PDE7B: variants seen among roughly 807,000 people sequenced by gnomAD.
PDE7B encodes the protein 3',5'-cyclic-AMP phosphodiesterase 7B.
PDE7B carries 29 observed loss-of-function variants against 56.2 expected under a neutral mutation model. The observed-to-expected ratio is 0.52, with a 90% CI of 0.38 to 0.70. PDE7B has a LOEUF of 0.70. Ranked by LOEUF, PDE7B falls within the 30% of genes least tolerant of loss-of-function variation. The pLI is 0.00. For synonymous variants in PDE7B, 197 were observed against 196.9 expected (o/e 1.00, Z 0.00); for missense variants, 490 against 565.0 (o/e 0.87, Z 1.35).
chr6:136,089,542 T>C (rs1777351776), intron 2 of PDE7B, among the ~76,000 whole-genome samples: 1 of 152,180 alleles, frequency 6.6e-6, no homozygotes, highest in Admixed American at 6.5e-5. Context: ...TTTTGAATAT[T>C]ATTTTTGCAT....
At chr6:136,007,142 C>T (rs1020312264) in intron 2 of PDE7B, among the ~76,000 whole-genome samples, 1 of 152,088 alleles carries the variant, frequency 6.6e-6, no homozygotes, top group African/African-American at 2.4e-5. Context: ...TTATCAAAAG[C>T]CTTTTCTGCA....
At chr6:135,959,719 T>C (rs188265365) in intron 2 of PDE7B, among the ~76,000 whole-genome samples, 96 of 152,288 alleles carry the variant, frequency 6.3e-4, no homozygotes, top group African/African-American at 2.2e-3. Context: ...ACTATGATCA[T>C]GTTTTGTATA....
intron 3 of PDE7B, among the ~76,000 whole-genome samples, chr6:136,123,270 C>A (rs894745580): frequency 1.3e-5 from 2 of 152,106 alleles, no homozygotes; most frequent in Admixed American, 6.5e-5. Flanking sequence ...GATGTGGGAG[C>A]ATTTGAGCCC....
intron 2 of PDE7B, among the ~76,000 whole-genome samples, chr6:135,981,145 G>A (rs1430154383): frequency 6.6e-6 from 1 of 151,906 alleles, no homozygotes; most frequent in East Asian, 1.9e-4. Flanking sequence ...GGACATGGAT[G>A]AAAGTGGAAA....
At chr6:136,028,253 G>A (rs1245691682) in intron 2 of PDE7B, among the ~76,000 whole-genome samples, 5 of 152,196 alleles carry the variant, frequency 3.3e-5, no homozygotes, top group Non-Finnish European at 7.3e-5. Context: ...AGTGACGTAA[G>A]TGAAGTTACA....
rs187095777 is a variant in PDE7B at position 135,924,480 on chromosome 6, G to A, written c.22-22984G>A. ...GCCTGAAAAGCAAGGTGACGTGTCC[G>A]AAGTCATACCATCTACTTGGTGTAT... On this transcript the variant is annotated intron_variant, in intron 1 of 12. Transcript: ENST00000308191. Among the ~76,000 whole-genome samples, 60 of 152,242 alleles carry A rather than the reference G, an allele frequency of 3.9e-4. 1 individual carries two copies. Among genetic ancestry groups the A allele is most frequent in the South Asian group, 2.7e-3 (13 of 4,816 alleles).
At chr6:135,977,610 A>G (rs1240542274) in intron 2 of PDE7B, among the ~76,000 whole-genome samples, 2 of 152,156 alleles carry the variant, frequency 1.3e-5, no homozygotes, top group African/African-American at 4.8e-5. Context: ...CCTCACTTTC[A>G]TTGGGCCAAG....
intron 1 of PDE7B, among the ~76,000 whole-genome samples, chr6:135,898,489 T>G (rs1389559018): frequency 6.6e-6 from 1 of 152,158 alleles, no homozygotes; most frequent in Admixed American, 6.6e-5. Flanking sequence ...AAGAATGCAG[T>G]TATATATGTC....
At position 135,998,523 on chromosome 6, in the gene PDE7B, G is replaced by A. The variant is rs1315193326; in HGVS notation, c.82+50999G>A. Among the ~76,000 whole-genome samples the A allele has an allele frequency of 6.6e-5, 10 of 152,280 alleles. No individual in the cohort carries two copies. In the East Asian group the frequency reaches 9.7e-4, roughly 15 times the overall value. On this transcript the variant is annotated intron_variant, in intron 2 of 12. Transcript: ENST00000308191. ...TGTAATCCCAGCACTTTGGGAGGCC[G>A]AGGCGGGCAGATCACGAGGTCAGGA...
chr6:136,111,054 C>G (rs1777738969), intron 3 of PDE7B: 1 of 152,162 alleles, frequency 6.6e-6, no homozygotes, highest in Non-Finnish European at 1.5e-5. Context: ...CCTTTAGGGT[C>G]TCCTCAGCAT....
intron 2 of PDE7B, among the ~76,000 whole-genome samples, chr6:136,001,977 GC>G (rs1455123460): frequency 2.6e-5 from 4 of 152,186 alleles, no homozygotes; most frequent in African/African-American, 7.2e-5. Context: ...ACAAAGGGAA[GC>G]CCATCAGACT....
At chr6:135,975,639 AG>A (rs1454443373) in intron 2 of PDE7B, among the ~76,000 whole-genome samples, 2 of 150,538 alleles carry the variant, frequency 1.3e-5, no homozygotes, top group Non-Finnish European at 2.9e-5. Context: ...AGTAAAGAAA[AG>A]GATTCTATTT....
intron 3 of PDE7B, among the ~76,000 whole-genome samples, chr6:136,126,991 A>G (rs926600874): frequency 6.6e-6 from 1 of 152,210 alleles, no homozygotes; most frequent in Non-Finnish European, 1.5e-5. Flanking sequence ...ATACTTTGTG[A>G]TCTCCATGAA....
At chr6:135,995,756 T>G (rs986650118) in intron 2 of PDE7B, among the ~76,000 whole-genome samples, 1 of 152,188 alleles carries the variant, frequency 6.6e-6, no homozygotes, top group African/African-American at 2.4e-5. Context: ...CTAAAGACAT[T>G]TCACAACAAG....
intron 2 of PDE7B, among the ~76,000 whole-genome samples, chr6:135,996,113 T>C (rs939164037): frequency 6.6e-6 from 1 of 152,180 alleles, no homozygotes; most frequent in Admixed American, 6.5e-5. Flanking sequence ...ACAGGATCTT[T>C]ACCAAGAGAA....
chr6:136,065,073 A>G (rs1776910895), intron 2 of PDE7B, among the ~76,000 whole-genome samples: 1 of 152,200 alleles, frequency 6.6e-6, no homozygotes, highest in African/African-American at 2.4e-5. Flanking sequence ...TATATGCCTA[A>G]AAGTCAAGGA....
chr6:135,939,319 C>T (rs1247546738), intron 1 of PDE7B, among the ~76,000 whole-genome samples: 1 of 151,986 alleles, frequency 6.6e-6, no homozygotes, highest in Non-Finnish European at 1.5e-5. Context: ...TGGTGTGTCT[C>T]TTATTTTGAC....
chr6:136,096,747 T>C (rs1777476430), intron 2 of PDE7B, among the ~76,000 whole-genome samples: 1 of 152,158 alleles, frequency 6.6e-6, no homozygotes, highest in Non-Finnish European at 1.5e-5. Flanking sequence ...GCCAATACAA[T>C]AAAGTGCTGC....
chr6:136,151,584 C>T (rs1778513605), intron 6 of PDE7B, among the ~76,000 whole-genome samples: 1 of 152,176 alleles, frequency 6.6e-6, no homozygotes, highest in Non-Finnish European at 1.5e-5. Flanking sequence ...CAATAATAAA[C>T]AGTTAATTAA....
Sources: allele counts gnomAD v4.1 joint callset (sites outside exome capture counted in the v4.1 genomes callset), GRCh38; gene constraint gnomAD v4.1.1; transcripts MANE v1.5; gene names NCBI Gene and HGNC (gene_info 2026-07-23, HGNC 2026-07-21).